The following NDST3 variants were observed in gnomAD, a reference collection of about 807,000 sequenced individuals.
NDST3 encodes bifunctional heparan sulfate N-deacetylase/N-sulfotransferase 3.
In NDST3, 58 loss-of-function variants were observed where a neutral mutation model predicts 96.1. The observed-to-expected ratio is 0.60, with a 90% CI of 0.49 to 0.75. The LOEUF is 0.75. Among genes scored for constraint, NDST3 ranks in the 30% least tolerant of loss-of-function variants. The pLI, the probability that NDST3 is intolerant of heterozygous loss-of-function variation, is 0.00. For missense variants in NDST3, 788 were observed against 1,034.2 expected, an observed-to-expected ratio of 0.76 and a Z score of 3.27; for synonymous variants, 333 against 359.7, an observed-to-expected ratio of 0.93 and a Z score of 0.84.
intron 6 of NDST3, among the ~76,000 whole-genome samples, chr4:118,222,242 CTTTTTA>C (rs1739596500): frequency 6.6e-6 from 1 of 151,848 alleles, no homozygotes; most frequent in South Asian, 2.1e-4. Context: ...AGCAAGCTAA[CTTTTTA>C]ACCAAAACAT....
Position 118,048,973 on chromosome 4 carries a change from T to A in NDST3, c.-155-4783T>A, listed in dbSNP as rs1370956458. The stretch of plus-strand genomic sequence containing the variant: ...TATTCTAAGACTGACCACATGTTTG[T>A]TCACGAAGGAAGTCTCAATAAATTT... On this transcript the variant is annotated intron_variant, in intron 1 of 13. Coordinates refer to ENST00000296499, the MANE Select transcript of NDST3 (RefSeq NM_004784.3). 2.0e-5 allele frequency among the ~76,000 whole-genome samples: 3 copies of A among 152,154 alleles called. No homozygotes were observed. The East Asian group carries it at 5.8e-4, about 29-fold the overall frequency.
At chr4:118,223,324 G>A (rs1196120894) in intron 6 of NDST3, among the ~76,000 whole-genome samples, 1 of 151,966 alleles carries the variant, frequency 6.6e-6, no homozygotes, top group Non-Finnish European at 1.5e-5. Context: ...GAAGATTTAA[G>A]TTTTAAAGTC....
chr4:118,115,320 C>T (rs1730999765), intron 4 of NDST3, among the ~76,000 whole-genome samples: 1 of 152,110 alleles, frequency 6.6e-6, no homozygotes. Context: ...TTTTTCAAGA[C>T]CTAATGACAA....
In NDST3 at chr4:118,138,116, T is replaced by C. The variant is rs112217522; in HGVS notation, c.1287T>C (p.Pro429=). Residue 429 remains proline (P), a synonymous_variant, in exon 5 of 14, where the codon CCT becomes CCC. Coordinates refer to ENST00000296499, the MANE Select transcript of NDST3 (RefSeq NM_004784.3). ...CCCCTCACCATTCGGGCGTCTACCC[T>C]GTACATGTTCAGCTTTATGAGGCCT... ...AVAPHHSGVY[P]VHVQLYEAWK... is the part of the protein sequence containing the mutation. 8 of 1,613,884 alleles carry C rather than the reference T, an allele frequency of 5.0e-6. No homozygotes were observed. The East Asian group carries it at 1.8e-4, about 36-fold the overall frequency.
intron 2 of NDST3, among the ~76,000 whole-genome samples, chr4:118,058,964 G>A (rs1725680123): frequency 6.6e-6 from 1 of 152,044 alleles, no homozygotes; most frequent in Admixed American, 6.6e-5. Flanking sequence ...CATCTGAGAA[G>A]TCAAATGAGA....
intron 2 of NDST3, among the ~76,000 whole-genome samples, chr4:118,088,786 G>A (rs576821111): frequency 4.6e-5 from 7 of 151,916 alleles, no homozygotes; most frequent in African/African-American, 9.7e-5. Context: ...AGAACAAGAC[G>A]GATAGTAACT....
intron 2 of NDST3, among the ~76,000 whole-genome samples, chr4:118,084,868 C>G (rs1728293939): frequency 6.6e-6 from 1 of 152,116 alleles, no homozygotes; most frequent in Admixed American, 6.6e-5. Flanking sequence ...CGCCTGTAAT[C>G]CCAGCACTTT....
intron 6 of NDST3, among the ~76,000 whole-genome samples, chr4:118,182,078 G>A (rs1282642086): frequency 6.6e-6 from 1 of 152,132 alleles, no homozygotes; most frequent in Non-Finnish European, 1.5e-5. Context: ...AATGCTTTGA[G>A]AGCTGGCAAT....
chr4:118,121,219 T>C, intron 4 of NDST3, among the ~76,000 whole-genome samples: 1 of 152,184 alleles, frequency 6.6e-6, no homozygotes, highest in East Asian at 1.9e-4. Context: ...GTTATTAGTA[T>C]TGTTGAACAT....
intron 6 of NDST3, among the ~76,000 whole-genome samples, chr4:118,180,309 A>AT (rs1467055193): frequency 1.3e-5 from 2 of 152,092 alleles, no homozygotes; most frequent in African/African-American, 4.8e-5. Context: ...CTTTATGACC[A>AT]TGAGTATCCA....
chr4:118,167,889 C>T (rs747102347), intron 6 of NDST3, among the ~76,000 whole-genome samples: 3 of 151,924 alleles, frequency 2.0e-5, no homozygotes, highest in Non-Finnish European at 4.4e-5. Flanking sequence ...CCTTATCATA[C>T]ACCATACACA....
At chr4:118,093,277 T>C (rs1410250573) in intron 2 of NDST3, among the ~76,000 whole-genome samples, 1 of 151,906 alleles carries the variant, frequency 6.6e-6, no homozygotes, top group Non-Finnish European at 1.5e-5. Context: ...TCCCAGATAT[T>C]ATCTCCTTTT....
At chr4:118,184,602 TACA>T (rs1184094874) in intron 6 of NDST3, among the ~76,000 whole-genome samples, 2,346 of 138,546 alleles carry the variant, frequency 0.017, 64 homozygotes, top group African/African-American at 0.059. Context: ...TCTCTCTCTC[TACA>T]CACACACACA....
chr4:118,130,852 A>G (rs1306634168), intron 4 of NDST3, among the ~76,000 whole-genome samples: 1 of 152,180 alleles, frequency 6.6e-6, no homozygotes, highest in Non-Finnish European at 1.5e-5. Flanking sequence ...CTATTCTAGC[A>G]TAAAAGTTCT....
intron 2 of NDST3, among the ~76,000 whole-genome samples, chr4:118,079,881 G>C (rs1727869160): frequency 6.6e-6 from 1 of 152,122 alleles, no homozygotes; most frequent in Admixed American, 6.6e-5. Context: ...AAAGGAACTT[G>C]CTCATAGATG....
intron 2 of NDST3, among the ~76,000 whole-genome samples, chr4:118,066,122 A>ATATATATTATATAATATATTTTATATAT (rs1560617457): frequency 3.1e-5 from 2 of 65,278 alleles, no homozygotes; most frequent in African/African-American, 1.1e-4. Flanking sequence ...TTTATATATT[A>ATATATATTATATAATATATTTTATATAT]TATATATTAT....
chr4:118,217,294 G>A (rs1458892887), intron 6 of NDST3, among the ~76,000 whole-genome samples: 1 of 152,020 alleles, frequency 6.6e-6, no homozygotes, highest in Admixed American at 6.6e-5. Context: ...GGGAAGACTG[G>A]AAAGATAAAC....
chr4:118,090,694 A>G (rs942909668), intron 2 of NDST3, among the ~76,000 whole-genome samples: 1 of 151,938 alleles, frequency 6.6e-6, no homozygotes, highest in Admixed American at 6.6e-5. Context: ...TCGAAGGAAG[A>G]AAAAACATCA....
At chr4:118,246,289 C>A (rs1188966159) in intron 12 of NDST3, among the ~76,000 whole-genome samples, 1 of 152,034 alleles carries the variant, frequency 6.6e-6, no homozygotes, top group Admixed American at 6.6e-5. Flanking sequence ...GAAGAAATGC[C>A]CCAGACTGGG....
Sources: gnomAD v4.1 joint callset for allele counts (sites outside exome capture counted in the v4.1 genomes callset) on GRCh38, gnomAD v4.1.1 for gene constraint, MANE v1.5 for transcripts, NCBI Gene and HGNC (gene_info 2026-07-23, HGNC 2026-07-21) for gene names.